The following ELAVL2 variants were observed in gnomAD, a reference collection of about 807,000 sequenced individuals.
ELAVL2 encodes the protein ELAV-like protein 2.
In ELAVL2, 4 loss-of-function variants were observed where a neutral mutation model predicts 34.6. The observed-to-expected ratio is 0.12, with a 90% CI of 0.06 to 0.26. The LOEUF is 0.26. Among genes scored for constraint, ELAVL2 ranks in the 10% least tolerant of loss-of-function variants. The pLI is 1.00. For synonymous variants in ELAVL2, 193 were observed against 154.8 expected (o/e 1.25, Z -1.83); for missense variants, 432 against 442.8 (o/e 0.98, Z 0.22).
intron 2 of ELAVL2, among the ~76,000 whole-genome samples, chr9:23,759,754 T>TTATA (rs774471922): frequency 0.069 from 5,553 of 80,930 alleles, 211 homozygotes; most frequent in Middle Eastern, 0.11. Flanking sequence ...ATATATAGTA[T>TTATA]TATATATATA....
At chr9:23,759,703 T>G (rs1457288572) in intron 2 of ELAVL2, among the ~76,000 whole-genome samples, 2 of 145,460 alleles carry the variant, frequency 1.4e-5, no homozygotes, top group East Asian at 4.0e-4. Context: ...AAATATATAC[T>G]ATATATAGTA....
chr9:23,843,852 A>G, the ELAVL2 span, among the ~76,000 whole-genome samples: 1 of 151,994 alleles, frequency 6.6e-6, no homozygotes, highest in African/African-American at 2.4e-5. Flanking sequence ...ACAAAACACT[A>G]ACATAATCAA....
chr9:23,730,344 A>G (rs2046233558), intron 3 of ELAVL2, among the ~76,000 whole-genome samples: 1 of 152,102 alleles, frequency 6.6e-6, no homozygotes, highest in Non-Finnish European at 1.5e-5. Flanking sequence ...CAACAGAAAA[A>G]ATAACCTGTG....
intron 1 of ELAVL2, among the ~76,000 whole-genome samples, chr9:23,803,353 T>C (rs1437636421): frequency 1.3e-5 from 2 of 152,254 alleles, no homozygotes; most frequent in African/African-American, 2.4e-5. Flanking sequence ...TCATGTTGCA[T>C]ACTTACACTG....
At chr9:23,704,585 T>G (rs764461192) in intron 4 of ELAVL2, among the ~76,000 whole-genome samples, 1 of 152,150 alleles carries the variant, frequency 6.6e-6, no homozygotes, top group Non-Finnish European at 1.5e-5. Flanking sequence ...AAAGAAAGGT[T>G]GTTTATTAGT....
In ELAVL2 at chr9:23,705,562, G is replaced by A. The variant is rs2039045136; in HGVS notation, c.334-491C>T. On this transcript the variant is annotated intron_variant, in intron 3 of 6. Coordinates refer to ENST00000397312, the MANE Select transcript of ELAVL2 (RefSeq NM_004432.5). ...TCTTCTGTGGGGCCAATCCCCTAGA[G>A]CAGTGGTCCCCAACCTTTTTGGTAC... is the stretch of plus-strand genomic sequence containing the variant. Among the ~76,000 whole-genome samples, 4 of 152,214 alleles carry A rather than the reference G, an allele frequency of 2.6e-5. No individual in the cohort carries two copies. In the South Asian group the frequency reaches 6.2e-4, roughly 24 times the overall value.
chr9:23,722,092 TGTA>T (rs2134117432), intron 3 of ELAVL2, among the ~76,000 whole-genome samples: 1 of 152,270 alleles, frequency 6.6e-6, no homozygotes, highest in African/African-American at 2.4e-5. Flanking sequence ...GTAATTCTAA[TGTA>T]GTACATGCGG....
chr9:23,806,643 A>T (rs2062258278), intron 1 of ELAVL2, among the ~76,000 whole-genome samples: 1 of 152,156 alleles, frequency 6.6e-6, no homozygotes, highest in African/African-American at 2.4e-5. Flanking sequence ...CAGTAATAAG[A>T]CAATAAGACC....
chr9:23,739,149 A>G (rs1374554923), intron 2 of ELAVL2, among the ~76,000 whole-genome samples: 2 of 152,356 alleles, frequency 1.3e-5, no homozygotes, highest in Admixed American at 6.5e-5. Context: ...AATTATGTGC[A>G]GTAGGAAAAT....
intron 1 of ELAVL2, among the ~76,000 whole-genome samples, chr9:23,809,913 G>A (rs2062753776): frequency 6.6e-6 from 1 of 152,158 alleles, no homozygotes; most frequent in South Asian, 2.1e-4. Context: ...AATCTTTACT[G>A]GGTGAATATT....
intron 2 of ELAVL2, among the ~76,000 whole-genome samples, chr9:23,754,826 G>A (rs2053147749): frequency 6.6e-6 from 1 of 152,068 alleles, no homozygotes; most frequent in African/African-American, 2.4e-5. Flanking sequence ...TGAGTTCTCT[G>A]CCCTCCCCTT....
intron 5 of ELAVL2, among the ~76,000 whole-genome samples, chr9:23,697,251 A>T (rs2035577313): frequency 6.6e-6 from 1 of 152,234 alleles, no homozygotes; most frequent in Non-Finnish European, 1.5e-5. Context: ...CCAGTAAGGG[A>T]AATACAAGTA....
intron 2 of ELAVL2, among the ~76,000 whole-genome samples, chr9:23,755,531 G>A (rs1012446498): frequency 6.6e-6 from 1 of 152,124 alleles, no homozygotes; most frequent in African/African-American, 2.4e-5. Flanking sequence ...CATCAATGAA[G>A]ATATAAATAA....
the ELAVL2 span, among the ~76,000 whole-genome samples, chr9:23,835,757 G>A: frequency 6.6e-6 from 1 of 152,116 alleles, no homozygotes; most frequent in Non-Finnish European, 1.5e-5. Context: ...GTCTTTCAGT[G>A]AGTAAGTGAA....
chr9:23,713,755 A>G (rs1326954746), intron 3 of ELAVL2, among the ~76,000 whole-genome samples: 2 of 152,284 alleles, frequency 1.3e-5, no homozygotes, highest in Non-Finnish European at 1.5e-5. Flanking sequence ...TACAAAGCAG[A>G]AGAGAATACA....
In ELAVL2 at chr9:23,753,400, G is replaced by A. The variant is rs145151369; in HGVS notation, c.229+8606C>T. 4.0e-4 allele frequency among the ~76,000 whole-genome samples: 61 copies of A among 151,924 alleles called. No homozygotes were observed. The East Asian group carries it at 0.01, about 25-fold the overall frequency. The stretch of plus-strand genomic sequence containing the variant: ...AACAGGTACAGAATAAAAGTGCTTC[G>A]GTCTATTCTGAATTTAAACAAAGTT... On this transcript the variant is annotated intron_variant, in intron 2 of 6. Transcript: ENST00000397312.
intron 1 of ELAVL2, among the ~76,000 whole-genome samples, chr9:23,818,460 T>G (rs1197205918): frequency 6.6e-6 from 1 of 152,126 alleles, no homozygotes; most frequent in Non-Finnish European, 1.5e-5. Flanking sequence ...AACTAAGTAC[T>G]CACGCCAAAA....
At chr9:23,717,663 T>C (rs900077910) in intron 3 of ELAVL2, among the ~76,000 whole-genome samples, 13 of 152,150 alleles carry the variant, frequency 8.5e-5, no homozygotes, top group Admixed American at 4.6e-4. Flanking sequence ...CACAGAGGCC[T>C]CTAGACAGCA....
intron 5 of ELAVL2, among the ~76,000 whole-genome samples, chr9:23,700,033 T>C (rs1453118321): frequency 6.6e-6 from 1 of 152,040 alleles, no homozygotes; most frequent in East Asian, 1.9e-4. Context: ...AGGAGCTATT[T>C]TTAACTGATT....
Sources: allele counts gnomAD v4.1 joint callset (sites outside exome capture counted in the v4.1 genomes callset), GRCh38; gene constraint gnomAD v4.1.1; transcripts MANE v1.5; gene names NCBI Gene and HGNC (gene_info 2026-07-23, HGNC 2026-07-21).